The following LPP variants were observed in gnomAD, a reference collection of about 807,000 sequenced individuals.
The protein encoded by LPP is LIM domain containing preferred translocation partner in lipoma, also known as lipoma-preferred partner.
A neutral mutation model predicts 60.4 loss-of-function variants in LPP; 38 were observed. The ratio of observed to expected loss-of-function variants is 0.63; its 90% confidence interval spans 0.49 to 0.83. The LOEUF (loss-of-function observed/expected upper bound fraction) is 0.83. Ranked by LOEUF, LPP falls within the 40% of genes least tolerant of loss-of-function variation. The pLI is 0.00. For missense variants in LPP, 902 were observed against 783.6 expected (o/e 1.15, Z -1.80); for synonymous variants, 328 against 290.8 (o/e 1.13, Z -1.30).
chr3:188,433,174 G>T (rs1377282859), intron 4 of LPP, among the ~76,000 whole-genome samples: 1 of 152,136 alleles, frequency 6.6e-6, no homozygotes, highest in African/African-American at 2.4e-5. Flanking sequence ...AGGTGGCGTG[G>T]AGCTTTCACT....
chr3:188,228,941 C>G (rs540748008), intron 2 of LPP, among the ~76,000 whole-genome samples: 2 of 152,260 alleles, frequency 1.3e-5, no homozygotes, highest in African/African-American at 4.8e-5. Context: ...CTTAAAGACT[C>G]ATCTTGAATA....
chr3:188,581,998 G>A (rs536322800), intron 6 of LPP, among the ~76,000 whole-genome samples: 1 of 151,730 alleles, frequency 6.6e-6, no homozygotes, highest in East Asian at 1.9e-4. Context: ...ATGTAAATCT[G>A]TGGCACAGTC....
At chr3:188,840,279 G>T (rs1759598524) in intron 9 of LPP, among the ~76,000 whole-genome samples, 1 of 152,138 alleles carries the variant, frequency 6.6e-6, no homozygotes, top group Non-Finnish European at 1.5e-5. Flanking sequence ...ATTCAACAGA[G>T]AATTTGGGGT....
At chr3:188,314,845 G>A (rs1754574946) in intron 2 of LPP, among the ~76,000 whole-genome samples, 1 of 151,998 alleles carries the variant, frequency 6.6e-6, no homozygotes, top group Non-Finnish European at 1.5e-5. Flanking sequence ...AAACAAGGAA[G>A]CTTTTCTTTT....
At position 188,289,320 on chromosome 3, in the gene LPP, A is replaced by G. The variant is rs567859524; in HGVS notation, c.-66-52343A>G. On this transcript the variant is annotated intron_variant, in intron 2 of 11. Coordinates refer to ENST00000617246, the MANE Select transcript of LPP (RefSeq NM_001375462.1). ...CTATTAGAGAGGATACTAACGATAC[A>G]TTAATAATGTTCTTGGTTTTGACAG... Among the ~76,000 whole-genome samples the G allele has an allele frequency of 6.6e-5, 10 of 152,350 alleles. No individual in the cohort carries two copies. In the South Asian group the frequency reaches 1.9e-3, roughly 28 times the overall value.
At chr3:188,469,681 G>A (rs1486484016) in intron 4 of LPP, among the ~76,000 whole-genome samples, 2 of 151,918 alleles carry the variant, frequency 1.3e-5, no homozygotes, top group East Asian at 1.9e-4. Flanking sequence ...TTTTAGTTAC[G>A]GTCTTATGCT....
intron 9 of LPP, among the ~76,000 whole-genome samples, chr3:188,829,346 A>G (rs1229498332): frequency 6.6e-6 from 1 of 152,142 alleles, no homozygotes; most frequent in African/African-American, 2.4e-5. Context: ...TCACAGATCA[A>G]GTTACTATGA....
At chr3:188,639,219 A>T (rs1849522080) in intron 7 of LPP, among the ~76,000 whole-genome samples, 1 of 152,152 alleles carries the variant, frequency 6.6e-6, no homozygotes, top group Non-Finnish European at 1.5e-5. Context: ...CCGCATATCT[A>T]CAACCATCTG....
intron 2 of LPP, among the ~76,000 whole-genome samples, chr3:188,334,241 A>G (rs900439173): frequency 6.6e-6 from 1 of 152,150 alleles, no homozygotes; most frequent in Non-Finnish European, 1.5e-5. Context: ...TTGTAAATAT[A>G]TAACACATTT....
intron 2 of LPP, among the ~76,000 whole-genome samples, chr3:188,278,687 T>C (rs762028505): frequency 4.3e-4 from 65 of 152,174 alleles, no homozygotes; most frequent in South Asian, 8.3e-4. Flanking sequence ...TATATAACCA[T>C]GGCTCTATTA....
intron 5 of LPP, among the ~76,000 whole-genome samples, chr3:188,502,516 T>C (rs1257181135): frequency 6.6e-6 from 1 of 152,200 alleles, no homozygotes; most frequent in Non-Finnish European, 1.5e-5. Flanking sequence ...TAAAGTCTCT[T>C]GTAGACAACA....
At chr3:188,495,573 A>C (rs1809946470) in intron 5 of LPP, among the ~76,000 whole-genome samples, 1 of 152,164 alleles carries the variant, frequency 6.6e-6, no homozygotes, top group Non-Finnish European at 1.5e-5. Flanking sequence ...TGTCGTCAAT[A>C]ATATATGTTG....
chr3:188,674,010 C>T (rs563781441), intron 7 of LPP, among the ~76,000 whole-genome samples: 1 of 151,434 alleles, frequency 6.6e-6, no homozygotes, highest in South Asian at 2.1e-4. Context: ...AAGAACATTC[C>T]AAACCCATTA....
intron 1 of LPP, among the ~76,000 whole-genome samples, chr3:188,168,922 A>T (rs1375219644): frequency 6.6e-6 from 1 of 152,228 alleles, no homozygotes; most frequent in African/African-American, 2.4e-5. Flanking sequence ...TCTAAATTAG[A>T]TACAGACAAG....
intron 6 of LPP, among the ~76,000 whole-genome samples, chr3:188,571,531 G>A (rs893990223): frequency 2.6e-5 from 4 of 151,944 alleles, no homozygotes; most frequent in African/African-American, 7.2e-5. Context: ...AAAATAAACA[G>A]CCCATTATGT....
At chr3:188,838,202 A>G (rs1016885738) in intron 9 of LPP, among the ~76,000 whole-genome samples, 10 of 152,174 alleles carry the variant, frequency 6.6e-5, no homozygotes, top group African/African-American at 2.2e-4. Flanking sequence ...ATTACAATAA[A>G]TGTTCCTTTT....
chr3:188,709,273 CA>C (rs1315815428), intron 8 of LPP: 2 of 152,264 alleles, frequency 1.3e-5, no homozygotes, highest in East Asian at 3.9e-4. Flanking sequence ...GACAAGCATA[CA>C]AATAATTACT....
At chr3:188,323,148 A>G (rs1264843637) in intron 2 of LPP, among the ~76,000 whole-genome samples, 1 of 152,224 alleles carries the variant, frequency 6.6e-6, no homozygotes, top group Non-Finnish European at 1.5e-5. Flanking sequence ...CTGCCCGCAC[A>G]GCACAATTAA....
chr3:188,536,712 A>G (rs1165193806), intron 6 of LPP, among the ~76,000 whole-genome samples: 1 of 152,208 alleles, frequency 6.6e-6, no homozygotes, highest in Non-Finnish European at 1.5e-5. Flanking sequence ...TTAAAAAGAT[A>G]TAATATTTAC....
Sources: allele counts gnomAD v4.1 joint callset (sites outside exome capture counted in the v4.1 genomes callset), GRCh38; gene constraint gnomAD v4.1.1; transcripts MANE v1.5; gene names NCBI Gene and HGNC (gene_info 2026-07-23, HGNC 2026-07-21).